CNBD1: variants seen among roughly 807,000 people sequenced by gnomAD.
CNBD1 encodes the protein cyclic nucleotide binding domain containing 1.
Under a neutral mutation model 54.4 loss-of-function variants are expected in CNBD1, and 71 were observed. The ratio of observed to expected loss-of-function variants is 1.30; its 90% CI spans 1.08 to 1.59. The LOEUF is 1.59. Ranked by LOEUF, CNBD1 falls within the 40% of genes most tolerant of loss-of-function variation. The probability of loss-of-function intolerance (pLI) is 0.00; values close to 1 mark genes in which losing one functional copy is unlikely to be tolerated. For synonymous variants in CNBD1, 182 were observed against 170.7 expected (o/e 1.07, Z -0.51); for missense variants, 659 against 518.0 (o/e 1.27, Z -2.64).
chr8:87,104,999 T>A (rs761973495), intron 4 of CNBD1, among the ~76,000 whole-genome samples: 1 of 152,186 alleles, frequency 6.6e-6, no homozygotes, highest in Non-Finnish European at 1.5e-5. Context: ...TTTATATAGT[T>A]TTTTATGTTA....
chr8:87,331,286 C>A (rs1328664414), intron 8 of CNBD1, among the ~76,000 whole-genome samples: 1 of 152,140 alleles, frequency 6.6e-6, no homozygotes, highest in Non-Finnish European at 1.5e-5. Context: ...TTGTTCAGCT[C>A]CCACTTATGA....
intron 7 of CNBD1, 105 bp from the exon 8 acceptor site, chr8:87,286,434 A>G: frequency 1.9e-5 from 12 of 625,180 alleles, no homozygotes; most frequent in Non-Finnish European, 2.8e-5. Flanking sequence ...ACTAACTTAT[A>G]TTCATATGGC....
At chr8:86,994,392 G>T (rs1031163358) in intron 4 of CNBD1, among the ~76,000 whole-genome samples, 5 of 152,220 alleles carry the variant, frequency 3.3e-5, no homozygotes, top group Non-Finnish European at 7.3e-5. Context: ...CAGTCCTTGG[G>T]TAAGCCAGCC....
chr8:87,064,148 G>A (rs1057162857), intron 4 of CNBD1, among the ~76,000 whole-genome samples: 3 of 151,892 alleles, frequency 2.0e-5, no homozygotes, highest in Non-Finnish European at 2.9e-5. Flanking sequence ...TTGGCAATCA[G>A]CATAGAGTTG....
intron 8 of CNBD1, among the ~76,000 whole-genome samples, chr8:87,334,258 G>C (rs1483825219): frequency 1.3e-5 from 2 of 151,772 alleles, no homozygotes; most frequent in African/African-American, 2.4e-5. Flanking sequence ...GTGTCTATTT[G>C]ATTCTTCTCT....
chr8:86,923,589 T>C (rs1809311299), intron 3 of CNBD1, among the ~76,000 whole-genome samples: 2 of 152,066 alleles, frequency 1.3e-5, no homozygotes, highest in Non-Finnish European at 2.9e-5. Flanking sequence ...GCCTTTGGTG[T>C]TTTCTCTTTT....
intron 4 of CNBD1, among the ~76,000 whole-genome samples, chr8:86,964,313 T>A (rs1471542835): frequency 6.6e-6 from 1 of 152,164 alleles, no homozygotes; most frequent in Non-Finnish European, 1.5e-5. Flanking sequence ...TCCCGTTTCA[T>A]CATTGGGGTC....
At chr8:87,130,074 T>C (rs1319024653) in intron 4 of CNBD1, among the ~76,000 whole-genome samples, 1 of 152,030 alleles carries the variant, frequency 6.6e-6, no homozygotes, top group African/African-American at 2.4e-5. Context: ...AGCAGCACAG[T>C]AAAGGCCTGC....
chr8:87,341,799 G>A (rs1810068906), intron 8 of CNBD1, among the ~76,000 whole-genome samples: 1 of 152,200 alleles, frequency 6.6e-6, no homozygotes, highest in East Asian at 1.9e-4. Flanking sequence ...ACTTTCTGGT[G>A]CTTTGATATT....
chr8:87,230,302 C>T (rs1485154610), intron 5 of CNBD1, among the ~76,000 whole-genome samples: 1 of 152,116 alleles, frequency 6.6e-6, no homozygotes, highest in East Asian at 1.9e-4. Context: ...GAGATTTGGG[C>T]AGCGACACAG....
At chr8:87,379,690 G>T (rs998577845) in intron 10 of CNBD1, among the ~76,000 whole-genome samples, 7 of 151,866 alleles carry the variant, frequency 4.6e-5, no homozygotes, top group South Asian at 4.1e-4. Context: ...TTATTGCACT[G>T]TCAGAATACC....
At chr8:87,175,393 A>G (rs1289106292) in intron 4 of CNBD1, among the ~76,000 whole-genome samples, 2 of 152,322 alleles carry the variant, frequency 1.3e-5, no homozygotes, top group East Asian at 3.9e-4. Context: ...CCTAAGACCC[A>G]TGGTGTACTG....
At chr8:87,251,387 G>A (rs1807914114) in intron 6 of CNBD1, among the ~76,000 whole-genome samples, 1 of 151,976 alleles carries the variant, frequency 6.6e-6, no homozygotes, top group Admixed American at 6.6e-5. Context: ...AGGAGCTTGA[G>A]ACCAGTCTGG....
intron 6 of CNBD1, among the ~76,000 whole-genome samples, chr8:87,254,603 T>C (rs1339560882): frequency 6.6e-6 from 1 of 152,154 alleles, no homozygotes; most frequent in Non-Finnish European, 1.5e-5. Flanking sequence ...TGCTAATGAC[T>C]TCACTGTAAC....
intron 2 of CNBD1, among the ~76,000 whole-genome samples, chr8:87,392,731 C>T (rs1181317567): frequency 1.3e-5 from 2 of 151,802 alleles, no homozygotes; most frequent in Non-Finnish European, 2.9e-5. Flanking sequence ...AATTAGATTC[C>T]AGTGATGATT....
intron 2 of CNBD1, among the ~76,000 whole-genome samples, chr8:87,396,605 T>C (rs562668534): frequency 1.3e-5 from 2 of 152,002 alleles, no homozygotes; most frequent in African/African-American, 4.8e-5. Context: ...ATATTTCTTA[T>C]ATATTTATTT....
At chr8:86,911,160 GC>G (rs1480937092) in intron 3 of CNBD1, among the ~76,000 whole-genome samples, 1 of 152,194 alleles carries the variant, frequency 6.6e-6, no homozygotes, top group African/African-American at 2.4e-5. Flanking sequence ...TTTCCAGGTA[GC>G]CCTTTTCTAT....
chr8:86,874,986 T>TTA (rs10584669), intron 1 of CNBD1, among the ~76,000 whole-genome samples: 3,521 of 119,760 alleles, frequency 0.029, 65 homozygotes, highest in East Asian at 0.039. Context: ...GTAAATCAAT[T>TTA]TATATATATA....
chr8:87,241,836 G>A (rs1449751472), intron 6 of CNBD1, among the ~76,000 whole-genome samples: 4 of 152,102 alleles, frequency 2.6e-5, no homozygotes, highest in African/African-American at 9.7e-5. Context: ...TTCTTGGTAA[G>A]ATAAGAAAAG....
Sources: allele counts gnomAD v4.1 joint callset (sites outside exome capture counted in the v4.1 genomes callset), GRCh38; gene constraint gnomAD v4.1.1; transcripts MANE v1.5; gene names NCBI Gene and HGNC (gene_info 2026-07-23, HGNC 2026-07-21).